TULP2: variants seen among roughly 807,000 people sequenced by gnomAD.
TULP2 encodes the protein TUB like protein 2, also known as tubby-related protein 2.
Under a neutral mutation model 60.3 loss-of-function variants are expected in TULP2, and 64 were observed. That is an observed-to-expected ratio of 1.06 (90% CI 0.87 to 1.31). TULP2 has a LOEUF of 1.31. TULP2 is among the 50% of genes most tolerant of loss of function. The pLI is 0.00. For missense variants in TULP2, 652 were observed against 667.0 expected (o/e 0.98, Z 0.25); for synonymous variants, 267 against 265.4 (o/e 1.01, Z -0.06).
chr19:48,893,876 G>T (rs566315528), intron 6 of TULP2, among the ~76,000 whole-genome samples: 4 of 152,120 alleles, frequency 2.6e-5, no homozygotes, highest in Middle Eastern at 3.4e-3. Flanking sequence ...CTCTATCTGG[G>T]GTGATACAAA....
chr19:48,893,392 T>G (rs544156849), intron 6 of TULP2, among the ~76,000 whole-genome samples: 2 of 149,546 alleles, frequency 1.3e-5, no homozygotes, highest in South Asian at 4.2e-4. Flanking sequence ...AAAAAAGGAA[T>G]TGAAGAAAGA....
chr19:48,891,688 A>T (rs1422789556), intron 6 of TULP2, among the ~76,000 whole-genome samples: 1 of 152,138 alleles, frequency 6.6e-6, no homozygotes, highest in Non-Finnish European at 1.5e-5. Context: ...AGACACAGAG[A>T]CAAAGTATAG....
chr19:48,890,661 C>A (rs1250935515), intron 6 of TULP2, among the ~76,000 whole-genome samples: 1 of 152,138 alleles, frequency 6.6e-6, no homozygotes, highest in Non-Finnish European at 1.5e-5. Context: ...GTGTGGGACA[C>A]CATCATCAGT....
intron 12 of TULP2, 81 bp from the exon 13 acceptor site, chr19:48,881,207 TTTTC>T (rs1046082852): frequency 6.8e-6 from 3 of 441,394 alleles, no homozygotes; most frequent in East Asian, 6.3e-5. Flanking sequence ...TTTTTTTTTT[TTTTC>T]TTTTTTTTTT....
In TULP2 at chr19:48,888,155, G is replaced by A. The variant is rs139008587; in HGVS notation, c.743C>T (p.Thr248Met). ...TTCGTGCCTCATATGGTCGCTGTCCGTGCCACCCTCGCCTTTCAGGGCCTT... is the reference window on the plus strand; with the variant it reads ...TTCGTGCCTCATATGGTCGCTGTCCATGCCACCCTCGCCTTTCAGGGCCTT... ...LSKALKGEGG[T>M]DSDHMRHEAS... Residue 248 changes from threonine to methionine, a missense_variant, in exon 8 of 13, where the codon ACG becomes ATG. Transcript: ENST00000221399. 1.9e-4 allele frequency: 302 copies of A among 1,614,212 alleles called. No individual in the cohort carries two copies. The Middle Eastern group carries it at 3.3e-3, about 18-fold the overall frequency.
Position 48,897,088 on chromosome 19 carries a change from C to A in TULP2, c.84+257G>T, listed in dbSNP as rs544627355. Among the ~76,000 whole-genome samples, 12 of 152,180 alleles carry A rather than the reference C, an allele frequency of 7.9e-5. No individual in the cohort carries two copies. Among genetic ancestry groups the A allele is most frequent in the Admixed American group, 2.6e-4 (4 of 15,280 alleles). Reference sequence around the variant, plus strand: ...GTGTGTTAGTAGAGACGGGGTTTCGCCGTGTTGGCCAGGCTTGTCTTGAAC... The same window carrying A: ...GTGTGTTAGTAGAGACGGGGTTTCGACGTGTTGGCCAGGCTTGTCTTGAAC... On this transcript the variant is annotated intron_variant, in intron 3 of 12. Transcript: ENST00000221399. This position sits in a 1 kb window ranked among gnomAD's most constrained non-coding sequence, Gnocchi z 4.0.
chr19:48,893,458 A>C (rs2037251919), intron 6 of TULP2, among the ~76,000 whole-genome samples: 1 of 152,154 alleles, frequency 6.6e-6, no homozygotes, highest in Non-Finnish European at 1.5e-5. Flanking sequence ...AAATGTACAG[A>C]ATAGCCAAAT....
At chr19:48,891,539 A>G (rs111395494) in intron 6 of TULP2, among the ~76,000 whole-genome samples, 12,899 of 131,580 alleles carry the variant, frequency 0.098, 1,743 homozygotes, top group African/African-American at 0.37. Flanking sequence ...CTGAGGCAGG[A>G]GAATCGCTTA....
chr19:48,887,878 C>G, intron 8 of TULP2, 72 bp downstream of exon 8: 1 of 1,527,304 alleles, frequency 6.5e-7, no homozygotes, highest in Non-Finnish European at 8.9e-7. Context: ...CTTGACCTAG[C>G]TCAGAAAGGA....
At chr19:48,891,082 A>T in intron 6 of TULP2, among the ~76,000 whole-genome samples, 1 of 151,442 alleles carries the variant, frequency 6.6e-6, no homozygotes, top group South Asian at 2.1e-4. Flanking sequence ...TGGGAGGCCG[A>T]GGCGGGCGGA....
In TULP2 at chr19:48,897,132, C is replaced by T. The variant is rs1223475610; in HGVS notation, c.84+213G>A. ...CTTGAACTCCTGACCTCAAGTGATC[C>T]GCCCACCTCAGCATCCCAAAGTGCT... On this transcript the variant is annotated intron_variant, in intron 3 of 12. Coordinates refer to ENST00000221399, the MANE Select transcript of TULP2 (RefSeq NM_003323.3). This position sits in a 1 kb window ranked among gnomAD's most constrained non-coding sequence, Gnocchi z 4.0. 1.3e-5 allele frequency among the ~76,000 whole-genome samples: 2 copies of T among 152,058 alleles called. No homozygotes were observed. The highest frequency in any genetic ancestry group is 2.9e-5 in the Non-Finnish European group (2 of 68,008).
chr19:48,898,025 T>C (rs2037298598), intron 1 of TULP2, among the ~76,000 whole-genome samples, 156 bp from the exon 2 acceptor site: 1 of 151,992 alleles, frequency 6.6e-6, no homozygotes, highest in African/African-American at 2.4e-5. Context: ...CAGGCTGCAG[T>C]GCAGTGGCGC....
chr19:48,889,899 A>G (rs1014765807), intron 6 of TULP2, among the ~76,000 whole-genome samples: 17 of 152,172 alleles, frequency 1.1e-4, no homozygotes, highest in African/African-American at 3.6e-4. Flanking sequence ...ACCACTCCCT[A>G]ATCTCAAGTA....
rs560901008 is a variant in TULP2 at position 48,897,739 on chromosome 19, G to C, written c.32+98C>G. 7 of 1,316,954 alleles carry C rather than the reference G, an allele frequency of 5.3e-6. No homozygotes were observed. The African/African-American group carries it at 1.0e-4, about 19-fold the overall frequency. 81.6% of individuals were successfully genotyped at this position (1,316,954 alleles called of 1,614,324 possible). A position where few individuals can be genotyped will look rare whatever the true frequency, so the allele number is the denominator to read the frequency against. On this transcript the variant is annotated intron_variant, in intron 2 of 12. Transcript: ENST00000221399. This position sits in a 1 kb window ranked among gnomAD's most constrained non-coding sequence, Gnocchi z 4.0. ...CCAGCCCCTTCCTGCAAGGCCGATG[G>C]TGCTGAACCTGCAAACATGGTTATG... is the stretch of plus-strand genomic sequence containing the variant.
intron 11 of TULP2, among the ~76,000 whole-genome samples, chr19:48,882,572 C>G (rs1329073082): frequency 2.6e-5 from 4 of 152,146 alleles, no homozygotes; most frequent in Non-Finnish European, 5.9e-5. Flanking sequence ...TCATTTATAA[C>G]CTGGCGCATC....
intron 4 of TULP2, among the ~76,000 whole-genome samples, 182 bp from the exon 5 acceptor site, chr19:48,895,685 GC>G (rs927274971): frequency 1.3e-5 from 2 of 152,074 alleles, no homozygotes; most frequent in African/African-American, 4.8e-5. Flanking sequence ...TTCGAGACCA[GC>G]CTGACCAACA....
At chr19:48,887,202 G>A (rs990465747) in intron 8 of TULP2, among the ~76,000 whole-genome samples, 3 of 150,038 alleles carry the variant, frequency 2.0e-5, no homozygotes, top group Non-Finnish European at 3.0e-5. Flanking sequence ...TAGTAGAGAC[G>A]ATGTTTCGCC....
chr19:48,896,364 G>A, intron 4 of TULP2, 66 bp downstream of exon 4: 1 of 1,509,834 alleles, frequency 6.6e-7, no homozygotes, highest in Non-Finnish European at 8.8e-7. Context: ...CATCCACTAG[G>A]CCCCGCCCAC....
Position 48,883,852 on chromosome 19 carries a change from CCTGG to C in TULP2, c.1177-4_1177-1del. ...CCCAGGTATCCTAAGACGTTGGGCT[CCTGG>C]GGGTATTACATTCCAGTTGGCCTGG... On this transcript the variant is annotated splice_acceptor_variant and splice_polypyrimidine_tract_variant and intron_variant, in intron 10 of 12. Coordinates refer to ENST00000221399, the MANE Select transcript of TULP2 (RefSeq NM_003323.3). LOFTEE classifies it high-confidence loss of function. The C allele has an allele frequency of 6.2e-7, 1 of 1,614,110 alleles. No homozygotes were observed. The highest frequency in any genetic ancestry group is 8.5e-7 in the Non-Finnish European group (1 of 1,180,032).
Sources: gnomAD v4.1 joint callset for allele counts (sites outside exome capture counted in the v4.1 genomes callset) on GRCh38, gnomAD v4.1.1 for gene constraint, Gnocchi (gnomAD v3.1) non-coding constraint, MANE v1.5 for transcripts, NCBI Gene and HGNC (gene_info 2026-07-23, HGNC 2026-07-21) for gene names.